Variants in MYO10 observed in about 807,000 individuals in gnomAD.
MYO10 encodes the protein myosin X.
MYO10 carries 133 observed loss-of-function variants against 257.3 expected under a neutral mutation model. The ratio of observed to expected loss-of-function variants is 0.52; its 90% confidence interval spans 0.45 to 0.60. The LOEUF is 0.60. MYO10 is among the 20% of genes least tolerant of loss of function. The pLI, the probability that MYO10 is intolerant of heterozygous loss-of-function variation, is 0.00. For missense variants in MYO10, 2,399 were observed against 2,635.7 expected, an observed-to-expected ratio of 0.91 and a Z score of 1.97; for synonymous variants, 1,104 against 1,028.6, an observed-to-expected ratio of 1.07 and a Z score of -1.40.
chr5:16,681,834 C>A lies in MYO10; in HGVS notation c.4189+37G>T, dbSNP rs751014476. 1.9e-6 allele frequency: 3 copies of A among 1,605,962 alleles called. No homozygotes were observed. The South Asian group carries it at 3.3e-5, about 18-fold the overall frequency. Reference sequence around the variant, plus strand: ...TCTATATGCAAATGGAAAGGGGAGTCTGTTAAGCAGACCGAGGAAGCAGGG... The same window carrying A: ...TCTATATGCAAATGGAAAGGGGAGTATGTTAAGCAGACCGAGGAAGCAGGG... On this transcript the variant is annotated intron_variant, in intron 31 of 40. Transcript: ENST00000513610.
At chr5:16,902,816 A>C (rs1057236465) in intron 1 of MYO10, among the ~76,000 whole-genome samples, 1 of 152,192 alleles carries the variant, frequency 6.6e-6, no homozygotes, top group Non-Finnish European at 1.5e-5. Context: ...CTTTTAAGTA[A>C]ATTCATTTCA....
intron 19 of MYO10, among the ~76,000 whole-genome samples, chr5:16,747,918 C>CAAAAAAAAAA (rs777257950): frequency 3.3e-5 from 1 of 30,472 alleles, no homozygotes; most frequent in East Asian, 4.5e-3. Flanking sequence ...AACTCCGTCT[C>CAAAAAAAAAA]AAAAAAAAAA....
intron 2 of MYO10, among the ~76,000 whole-genome samples, chr5:16,847,634 G>A (rs983023575): frequency 6.6e-6 from 1 of 152,244 alleles, no homozygotes; most frequent in East Asian, 1.9e-4. Flanking sequence ...GGAGGCTGAG[G>A]TGGGAGGATC....
intron 3 of MYO10, among the ~76,000 whole-genome samples, chr5:16,816,324 T>C (rs74458975): frequency 0.16 from 21,301 of 132,504 alleles, 1,800 homozygotes; most frequent in South Asian, 0.29. Flanking sequence ...GGTGACAGAG[T>C]GAGACTCTGT....
chr5:16,692,364 G>C (rs890877861), intron 27 of MYO10, among the ~76,000 whole-genome samples: 1 of 152,170 alleles, frequency 6.6e-6, no homozygotes, highest in Non-Finnish European at 1.5e-5. Flanking sequence ...AGGTTGCAGT[G>C]AGCCAAGGTT....
chr5:16,692,565 C>A (rs74571051), intron 27 of MYO10, among the ~76,000 whole-genome samples: 4,759 of 152,088 alleles, frequency 0.031, 120 homozygotes, highest in Non-Finnish European at 0.046. Context: ...TAAATACCTA[C>A]TAAATATTTA....
At chr5:16,766,770 C>CT (rs575636664) in intron 10 of MYO10, among the ~76,000 whole-genome samples, 26,945 of 127,376 alleles carry the variant, frequency 0.21, 3,482 homozygotes, top group Non-Finnish European at 0.28. Flanking sequence ...CACCTACTTT[C>CT]TTTTTTTTTT....
intron 19 of MYO10, among the ~76,000 whole-genome samples, chr5:16,740,924 G>A (rs1037938078): frequency 6.7e-6 from 1 of 149,856 alleles, no homozygotes; most frequent in African/African-American, 2.4e-5. Context: ...CTTGGTTTTC[G>A]CTTAGCACCA....
At chr5:16,903,432 C>A (rs564589781) in intron 1 of MYO10, among the ~76,000 whole-genome samples, 1 of 152,242 alleles carries the variant, frequency 6.6e-6, no homozygotes, top group South Asian at 2.1e-4. Flanking sequence ...TAATAATGCT[C>A]CCATCTTACA....
At chr5:16,766,234 G>T in intron 10 of MYO10, 36 bp from the exon 11 acceptor site, 1 of 1,522,216 alleles carries the variant, frequency 6.6e-7, no homozygotes, top group Non-Finnish European at 9.1e-7. Context: ...TGAACCCACC[G>T]CCCCCAAGAA....
chr5:16,707,054 C>T (rs148914210), intron 21 of MYO10, among the ~76,000 whole-genome samples: 4 of 152,254 alleles, frequency 2.6e-5, no homozygotes, highest in Admixed American at 6.5e-5. Context: ...GCTGTTCTCA[C>T]GACAGTGAAT....
At chr5:16,916,011 A>T (rs1362558703) in intron 1 of MYO10, 5 of 455,848 alleles carry the variant, frequency 1.1e-5, no homozygotes, top group Non-Finnish European at 1.8e-5. Flanking sequence ...CCTGAATCTG[A>T]ATTAACAGAG....
At chr5:16,905,478 T>C (rs527438413) in intron 1 of MYO10, among the ~76,000 whole-genome samples, 2 of 151,542 alleles carry the variant, frequency 1.3e-5, no homozygotes, top group Non-Finnish European at 2.9e-5. Context: ...GGCTAGTAGG[T>C]CTCCCTGCAA....
chr5:16,691,833 C>A (rs571409503), intron 27 of MYO10, among the ~76,000 whole-genome samples: 23 of 152,224 alleles, frequency 1.5e-4, no homozygotes, highest in Middle Eastern at 3.4e-3. Context: ...AACCTGAACT[C>A]GATCACTCTC....
chr5:16,699,768 C>A lies in MYO10; in HGVS notation c.3433-195G>T, dbSNP rs575153380. ...TGCCACTGCACTCCAGCCTGGGCAA[C>A]AGAGCAAGCCTCAGTCTCAAAAAAA... On this transcript the variant is annotated intron_variant, in intron 25 of 40. Transcript: ENST00000513610. 859 of 152,758 alleles carry A rather than the reference C, an allele frequency of 5.6e-3. 1 individual carries two copies. The highest frequency in any genetic ancestry group is 0.022 in the Middle Eastern group (7 of 322). The allele number at this position is 152,758 out of a possible 1,614,324, so 9.5% of individuals were successfully genotyped here.
Position 16,818,003 on chromosome 5 carries a change from A to T in MYO10, c.279+6T>A. 1 of 1,530,912 alleles carries T rather than the reference A, an allele frequency of 6.5e-7. No homozygotes were observed. Among genetic ancestry groups the T allele is most frequent in the Non-Finnish European group, 8.9e-7 (1 of 1,127,650 alleles). 94.8% of individuals were successfully genotyped at this position (1,530,912 alleles called of 1,614,324 possible). On this transcript the variant is annotated splice_donor_region_variant and intron_variant, in intron 3 of 40. Coordinates refer to ENST00000513610, the MANE Select transcript of MYO10 (RefSeq NM_012334.3). ...TCTTTTTAAAGGAATTACAAGTGGA[A>T]CTTACATATATTTGATTTCTCTTAT...
At chr5:16,737,095 A>T (rs906191778) in intron 19 of MYO10, among the ~76,000 whole-genome samples, 8 of 150,648 alleles carry the variant, frequency 5.3e-5, no homozygotes, top group Non-Finnish European at 1.0e-4. Flanking sequence ...GTTCTTTCTT[A>T]AAAAAATCAC....
intron 30 of MYO10, among the ~76,000 whole-genome samples, chr5:16,682,744 G>A (rs2126500740): frequency 6.6e-6 from 1 of 151,890 alleles, no homozygotes; most frequent in Admixed American, 6.6e-5. Context: ...CTGGACTGCA[G>A]GACACAGGAA....
Position 16,683,831 on chromosome 5 carries a change from C to G in MYO10, c.4046+49G>C, listed in dbSNP as rs768263828. On this transcript the variant is annotated intron_variant, in intron 30 of 40. Transcript: ENST00000513610. ...ACCCAGCAGCACAGACACCTGTGGA[C>G]ACACACAGGTGATGAGCTGTTTTTG... 42 of 1,555,606 alleles carry G rather than the reference C, an allele frequency of 2.7e-5. 1 individual carries two copies. The South Asian group carries it at 3.5e-4, about 13-fold the overall frequency.
Sources: gnomAD v4.1 joint callset for allele counts (sites outside exome capture counted in the v4.1 genomes callset) on GRCh38, gnomAD v4.1.1 for gene constraint, MANE v1.5 for transcripts, NCBI Gene and HGNC (gene_info 2026-07-23, HGNC 2026-07-21) for gene names.